The following ZNF420 variants were observed in gnomAD, a reference collection of about 807,000 sequenced individuals.
ZNF420 encodes the protein ATM and p53-associated KZNF protein.
ZNF420 carries 31 observed loss-of-function variants against 44.7 expected under a neutral mutation model. The observed-to-expected ratio is 0.69, with a 90% CI of 0.52 to 0.94. ZNF420 has a LOEUF of 0.94. Ranked by LOEUF, ZNF420 falls within the 40% of genes least tolerant of loss-of-function variation. The probability of loss-of-function intolerance (pLI) is 0.00; values close to 1 mark genes in which losing one functional copy is unlikely to be tolerated. For missense variants in ZNF420, 681 were observed against 827.9 expected (o/e 0.82, Z 2.18); for synonymous variants, 245 against 267.4 (o/e 0.92, Z 0.82).
At chr19:37,098,861 T>C (rs555772359) in intron 4 of ZNF420, among the ~76,000 whole-genome samples, 43 of 152,320 alleles carry the variant, frequency 2.8e-4, no homozygotes, top group African/African-American at 1.0e-3. Context: ...CAGCATCTGG[T>C]AACCACTGTT....
chr19:37,076,272 G>A (rs939791444), upstream of ZNF420, among the ~76,000 whole-genome samples: 1 of 151,080 alleles, frequency 6.6e-6, no homozygotes, highest in Non-Finnish European at 1.5e-5. Context: ...AATGCATGCT[G>A]TTCAATTTGA....
At chr19:37,077,115 T>G (rs1259202881), upstream of ZNF420, among the ~76,000 whole-genome samples, 1 of 152,238 alleles carries the variant, frequency 6.6e-6, no homozygotes, top group African/African-American at 2.4e-5. Context: ...TTCACAAGTT[T>G]TTGATTATTC....
At chr19:37,118,207 T>G (rs1232913098) in intron 4 of ZNF420, among the ~76,000 whole-genome samples, 1 of 152,104 alleles carries the variant, frequency 6.6e-6, no homozygotes, top group Non-Finnish European at 1.5e-5. Context: ...GAAAAAATGT[T>G]AAGGGCAGCC....
chr19:37,041,919 T>G (rs552772765), intron 1 of ZNF420, among the ~76,000 whole-genome samples: 1 of 152,374 alleles, frequency 6.6e-6, no homozygotes, highest in African/African-American at 2.4e-5. Context: ...AATATACATT[T>G]ATTAACCTGA....
At chr19:37,074,626 T>G (rs1184540704), upstream of ZNF420, among the ~76,000 whole-genome samples, 1 of 152,206 alleles carries the variant, frequency 6.6e-6, no homozygotes, top group Non-Finnish European at 1.5e-5. Context: ...GACTATATAT[T>G]AGATAATATT....
chr19:37,069,799 T>C (rs1421778528), intron 1 of ZNF420, among the ~76,000 whole-genome samples: 2 of 152,086 alleles, frequency 1.3e-5, no homozygotes, highest in Non-Finnish European at 2.9e-5. Flanking sequence ...GCAGCTAAAG[T>C]TGGACCTCGA....
At chr19:37,097,290 GAT>G (rs200275956) in intron 4 of ZNF420, among the ~76,000 whole-genome samples, 1 of 151,452 alleles carries the variant, frequency 6.6e-6, no homozygotes, top group Non-Finnish European at 1.5e-5. Context: ...GGCTAATACT[GAT>G]ATATATTATA....
At chr19:37,120,978 T>C (rs867833289) in intron 4 of ZNF420, among the ~76,000 whole-genome samples, 2,841 of 151,834 alleles carry the variant, frequency 0.019, 74 homozygotes, top group East Asian at 0.048. Context: ...TAAAAGAGGA[T>C]ACAAACAAAT....
chr19:37,073,862 G>A (rs1968104104), upstream of ZNF420, among the ~76,000 whole-genome samples: 1 of 152,002 alleles, frequency 6.6e-6, no homozygotes, highest in Non-Finnish European at 1.5e-5. Flanking sequence ...GGGCACCAGC[G>A]TCAGGGGTTC....
intron 4 of ZNF420, chr19:37,107,310 C>G (rs1243262016): frequency 6.6e-6 from 1 of 152,326 alleles, no homozygotes; most frequent in Non-Finnish European, 1.5e-5. Flanking sequence ...TGGCCTTCCA[C>G]AGTGTATTGT....
Position 37,127,172 on chromosome 19 carries a change from AAC to A in ZNF420, c.184_185del (p.Thr62LeufsTer2), listed in dbSNP as rs1487882349. The A allele has an allele frequency of 6.4e-7, 1 of 1,559,514 alleles. No homozygotes were observed. The highest frequency in any genetic ancestry group is 1.2e-5 in the South Asian group (1 of 82,314). On this transcript the variant is annotated frameshift_variant, in exon 5 of 5. Transcript: ENST00000337995. LOFTEE classifies it low-confidence loss of function (END_TRUNC). The part of the protein sequence containing the change: ...CASKDLSPEK[N>X]TYETELSQWE... The stretch of plus-strand genomic sequence containing the variant: ...AAGTAAGGACTTATCTCCAGAAAAG[AAC>A]ACTTATGAAACAGAATTATCCCAAT...
Position 37,128,649 on chromosome 19 carries a change from A to T in ZNF420, c.1658A>T (p.His553Leu). ...GLLLIQHQRI[H>L]TGEKPYQCKE... ...CTACTTATACAACATCAGAGAATTC[A>T]TACTGGTGAGAAACCATATCAATGT... The change falls in exon 5 of 5, where the codon CAT (histidine) becomes CTT (leucine). Residue 553 changes from histidine to leucine, a missense_variant. By Grantham distance (99) the His-to-Leu change is moderately conservative. This residue lies in a region of ZNF420 where 280 missense variants were observed against 338.6 expected (regional missense o/e 0.83). Coordinates refer to ENST00000337995, the MANE Select transcript of ZNF420 (RefSeq NM_144689.5). 1 of 1,614,194 alleles carries T rather than the reference A, an allele frequency of 6.2e-7. No homozygotes were observed. Among genetic ancestry groups the T allele is most frequent in the Non-Finnish European group, 8.5e-7 (1 of 1,180,004 alleles).
Position 37,128,849 on chromosome 19 carries a change from T to C in ZNF420, c.1858T>C (p.Cys620Arg). The change falls in exon 5 of 5, where the codon TGT (cysteine) becomes CGT (arginine). Residue 620 changes from cysteine to arginine, a missense_variant. By Grantham distance (180) the Cys-to-Arg change is radical. Coordinates refer to ENST00000337995, the MANE Select transcript of ZNF420 (RefSeq NM_144689.5). ...TGEKPYECRECRKAFTQSSHL... is the reference protein window; with the variant it reads ...TGEKPYECRERRKAFTQSSHL... Reference sequence around the variant, plus strand: ...TGAGAAGCCCTATGAATGCAGAGAATGTAGAAAGGCCTTTACTCAGAGTTC... The same window carrying C: ...TGAGAAGCCCTATGAATGCAGAGAACGTAGAAAGGCCTTTACTCAGAGTTC... 2 of 1,613,876 alleles carry C rather than the reference T, an allele frequency of 1.2e-6. No individual in the cohort carries two copies. The highest frequency in any genetic ancestry group is 1.7e-6 in the Non-Finnish European group (2 of 1,179,982).
chr19:37,089,144 T>C lies in ZNF420; in HGVS notation c.9+17T>C, dbSNP rs773898472. 3.7e-6 allele frequency: 6 copies of C among 1,609,584 alleles called. No homozygotes were observed. Among genetic ancestry groups the C allele is most frequent in the Non-Finnish European group, 5.1e-6 (6 of 1,175,864 alleles). ...ATGGCTCGGGTAAATTGGAGTTTCCTTGTGCTCTTTTCACTTACTTTTTTA... is the reference window on the plus strand; with the variant it reads ...ATGGCTCGGGTAAATTGGAGTTTCCCTGTGCTCTTTTCACTTACTTTTTTA... On this transcript the variant is annotated intron_variant, in intron 3 of 4. Coordinates refer to ENST00000337995, the MANE Select transcript of ZNF420 (RefSeq NM_144689.5).
chr19:37,010,560 CTGTCTG>C (rs1354069821), intron 1 of ZNF420, among the ~76,000 whole-genome samples: 1 of 151,546 alleles, frequency 6.6e-6, no homozygotes, highest in Non-Finnish European at 1.5e-5. Context: ...TTCTCTCTCT[CTGTCTG>C]TGAGTGTGTG....
chr19:37,009,556 C>G (rs1478024839), intron 1 of ZNF420, among the ~76,000 whole-genome samples: 1 of 152,234 alleles, frequency 6.6e-6, no homozygotes, highest in Non-Finnish European at 1.5e-5. Context: ...ACCTCGGACT[C>G]ACCCCTGTTC....
At chr19:37,083,665 G>A (rs1336072596) in intron 2 of ZNF420, among the ~76,000 whole-genome samples, 1 of 152,096 alleles carries the variant, frequency 6.6e-6, no homozygotes, top group African/African-American at 2.4e-5. Flanking sequence ...TTTTTGACAT[G>A]ACCCCAGTAG....
intron 1 of ZNF420, among the ~76,000 whole-genome samples, chr19:37,030,015 T>C (rs1967228284): frequency 6.6e-6 from 1 of 152,192 alleles, no homozygotes; most frequent in Admixed American, 6.5e-5. Context: ...AGTACAATTT[T>C]ATTACCTATA....
upstream of ZNF420, among the ~76,000 whole-genome samples, chr19:37,074,785 C>G (rs1483160655): frequency 6.6e-6 from 1 of 152,006 alleles, no homozygotes; most frequent in Non-Finnish European, 1.5e-5. Context: ...AAAAAATAAA[C>G]AAAAATATGT....
Sources: allele counts gnomAD v4.1 joint callset (sites outside exome capture counted in the v4.1 genomes callset), GRCh38; gene constraint gnomAD v4.1.1; regional missense constraint gnomAD v4.1.1; transcripts MANE v1.5; gene names NCBI Gene and HGNC (gene_info 2026-07-23, HGNC 2026-07-21).